Variants in CENPI observed in about 807,000 individuals in gnomAD.
The protein encoded by CENPI is FSH primary response 1.
CENPI carries 4 observed loss-of-function variants against 60.4 expected under a neutral mutation model. The ratio of observed to expected loss-of-function variants is 0.07; its 90% CI spans 0.03 to 0.15. The LOEUF is 0.15. CENPI is among the 10% of genes least tolerant of loss of function. The probability of loss-of-function intolerance (pLI) is 1.00; values close to 1 mark genes in which losing one functional copy is unlikely to be tolerated. For synonymous variants in CENPI, 157 were observed against 189.4 expected (o/e 0.83, Z 1.40); for missense variants, 444 against 534.5 (o/e 0.83, Z 1.67).
intron 18 of CENPI, 114 bp downstream of exon 18, chrX:101,146,391 G>A: frequency 1.3e-6 from 1 of 780,959 alleles, no homozygotes; most frequent in Non-Finnish European, 1.8e-6. Context: ...TCTGGAAATA[G>A]GAAATGTGGC....
chrX:101,134,330 C>A (rs1383062059), intron 15 of CENPI, among the ~76,000 whole-genome samples: 1 of 111,080 alleles, frequency 9.0e-6, no homozygotes, highest in Non-Finnish European at 1.9e-5. Flanking sequence ...GAAGAAAGGG[C>A]AAGACATTAA....
intron 4 of CENPI, among the ~76,000 whole-genome samples, chrX:101,105,410 GC>G (rs1021344382): frequency 9.0e-6 from 1 of 111,437 alleles, no homozygotes; most frequent in Non-Finnish European, 1.9e-5. Context: ...TGTAGTCGCA[GC>G]TACTTGGGAG....
chrX:101,181,745 C>A, the CENPI span, among the ~76,000 whole-genome samples: 1 of 111,714 alleles, frequency 9.0e-6, no homozygotes, highest in East Asian at 2.8e-4. Context: ...ATTTTTACTT[C>A]TTCCTTTTTA....
intron 21 of CENPI, among the ~76,000 whole-genome samples, chrX:101,162,473 A>AAAATATATATATATATATATATATAT: frequency 1.5e-5 from 1 of 68,108 alleles, no homozygotes; most frequent in African/African-American, 6.9e-5. Context: ...AAAAAAAAAA[A>AAAATATATATATATATATATATATAT]ATATATATAT....
intron 15 of CENPI, among the ~76,000 whole-genome samples, chrX:101,140,058 G>C (rs188293411): frequency 3.5e-4 from 39 of 111,032 alleles, no homozygotes; most frequent in Middle Eastern, 9.3e-3. Context: ...GGATGGTCTC[G>C]ATCTGCTGAC....
chrX:101,152,540 C>T (rs1326794511), intron 20 of CENPI, among the ~76,000 whole-genome samples: 1 of 110,068 alleles, frequency 9.1e-6, no homozygotes, highest in Non-Finnish European at 1.9e-5. Context: ...CCTCAGCCTC[C>T]TGAGGCATGT....
chrX:101,166,897 T>C (rs762454546), downstream of CENPI, among the ~76,000 whole-genome samples: 14 of 111,612 alleles, frequency 1.3e-4, no homozygotes, highest in African/African-American at 3.9e-4. Context: ...GTAGCTGGGA[T>C]TACAGGCACA....
chrX:101,160,202 GA>G lies in CENPI; in HGVS notation c.2095-1320del, dbSNP rs2090094474. On this transcript the variant is annotated intron_variant, in intron 20 of 21. Coordinates refer to ENST00000682095, the MANE Select transcript of CENPI (RefSeq NM_001386188.2). ...GCAGGATGGATGTCAGCAGCTTGGG[GA>G]AAAAATCTGGAGACAATATTGGAGC... 2.7e-5 allele frequency among the ~76,000 whole-genome samples: 3 copies of G among 110,541 alleles called. No individual in the cohort carries two copies. The Admixed American group carries it at 2.9e-4, about 11-fold the overall frequency.
intron 20 of CENPI, among the ~76,000 whole-genome samples, chrX:101,159,454 G>T (rs1236639382): frequency 9.4e-6 from 1 of 106,760 alleles, no homozygotes. Flanking sequence ...GAGCCACCGC[G>T]CCTGGCCTTT....
At chrX:101,123,187 G>A (rs1385430681) in intron 8 of CENPI, among the ~76,000 whole-genome samples, 1 of 112,336 alleles carries the variant, frequency 8.9e-6, no homozygotes, top group African/African-American at 3.2e-5. Flanking sequence ...TAACATGCAT[G>A]ATAGTAACAG....
At chrX:101,180,579 A>G in the CENPI span, among the ~76,000 whole-genome samples, 1 of 112,294 alleles carries the variant, frequency 8.9e-6, no homozygotes, top group Non-Finnish European at 1.9e-5. Flanking sequence ...AGTGCCCTTT[A>G]ATGCACAAAC....
chrX:101,156,968 C>T (rs898887253), intron 20 of CENPI, among the ~76,000 whole-genome samples: 1 of 111,349 alleles, frequency 9.0e-6, no homozygotes. Flanking sequence ...AACATGCATG[C>T]ACAAGTGCCT....
chrX:101,146,349 A>G (rs1169331054), intron 18 of CENPI, 72 bp downstream of exon 18: 2 of 990,257 alleles, frequency 2.0e-6, no homozygotes, highest in Non-Finnish European at 2.7e-6. Flanking sequence ...CTATAATACA[A>G]TAAATATTCC....
Position 101,102,490 on chromosome X carries a change from T to C in CENPI, c.364+79T>C, listed in dbSNP as rs1380912085. On this transcript the variant is annotated intron_variant, in intron 4 of 21. Coordinates refer to ENST00000682095, the MANE Select transcript of CENPI (RefSeq NM_001386188.2). ...TTTTCTTTTAAAAATAAATCTTATA[T>C]ATATATACACACACACACACACACA... 339 of 292,581 alleles carry C rather than the reference T, an allele frequency of 1.2e-3. 1 individual carries two copies. Among genetic ancestry groups the C allele is most frequent in the South Asian group, 2.4e-3 (31 of 13,078 alleles). 24.1% of individuals were successfully genotyped at this position (292,581 alleles called of 1,213,427 possible). A position where few individuals can be genotyped will look rare whatever the true frequency, so the allele number is the denominator to read the frequency against.
chrX:101,163,121 C>A lies in CENPI; in HGVS notation c.*154C>A. The A allele has an allele frequency of 1.9e-6, 1 of 512,843 alleles. No individual in the cohort carries two copies. Among genetic ancestry groups the A allele is most frequent in the Non-Finnish European group, 3.1e-6 (1 of 326,941 alleles). The allele number at this position is 512,843 out of a possible 1,213,427, so 42.3% of individuals were successfully genotyped here. A position where few individuals can be genotyped will look rare whatever the true frequency, so the allele number is the denominator to read the frequency against. On this transcript the variant is annotated 3_prime_UTR_variant, in exon 22 of 22. Transcript: ENST00000682095. The stretch of plus-strand genomic sequence containing the variant: ...GCCTTCTGTTCATGGCTTAGGAGAG[C>A]CTTGGTGTGCCTAACTGATTTTTCA...
At chrX:101,119,243 T>G (rs769099146) in intron 6 of CENPI, among the ~76,000 whole-genome samples, 2 of 112,360 alleles carry the variant, frequency 1.8e-5, no homozygotes, top group African/African-American at 6.4e-5. Flanking sequence ...TTAGATTCTT[T>G]CTCAAACCAT....
At chrX:101,146,607 C>T (rs1244041338) in intron 18 of CENPI, among the ~76,000 whole-genome samples, 1 of 111,979 alleles carries the variant, frequency 8.9e-6, no homozygotes, top group Non-Finnish European at 1.9e-5. Context: ...GTGTTTGTAG[C>T]TTCTCTGGTA....
the CENPI span, among the ~76,000 whole-genome samples, chrX:101,177,907 G>A: frequency 1.8e-5 from 2 of 112,370 alleles, no homozygotes; most frequent in African/African-American, 6.5e-5. Context: ...CCCCCAGGCA[G>A]GATGCAGTCT....
chrX:101,146,849 C>A (rs1268979496), intron 18 of CENPI, among the ~76,000 whole-genome samples: 1 of 111,104 alleles, frequency 9.0e-6, no homozygotes, highest in Non-Finnish European at 1.9e-5. Flanking sequence ...ATTCTCCCCC[C>A]TCAGCCTCCC....
Sources: allele counts gnomAD v4.1 joint callset (sites outside exome capture counted in the v4.1 genomes callset), GRCh38; gene constraint gnomAD v4.1.1; transcripts MANE v1.5; gene names NCBI Gene and HGNC (gene_info 2026-07-23, HGNC 2026-07-21).